QTGAL: variants seen among roughly 807,000 people sequenced by gnomAD.
QTGAL encodes the protein BGnT-like protein 1.
the QTGAL span, among the ~76,000 whole-genome samples, chr17:83,027,533 A>T: frequency 1.6e-4 from 25 of 151,980 alleles, no homozygotes; most frequent in South Asian, 4.2e-4. Flanking sequence ...TCTGCTCAAG[A>T]CACCATTAAA....
the QTGAL span, among the ~76,000 whole-genome samples, chr17:83,049,537 C>T: frequency 5.9e-5 from 9 of 151,470 alleles, no homozygotes; most frequent in East Asian, 1.2e-3. Flanking sequence ...CTCAGCCTCC[C>T]GAGTAGCTGG....
At chr17:82,962,741 C>T in the QTGAL span, among the ~76,000 whole-genome samples, 2 of 152,182 alleles carry the variant, frequency 1.3e-5, no homozygotes, top group Non-Finnish European at 2.9e-5. Context: ...CAACATGTTA[C>T]AGGTTTAAGA....
chr17:83,027,856 G>A, the QTGAL span, among the ~76,000 whole-genome samples: 4 of 152,184 alleles, frequency 2.6e-5, no homozygotes, highest in African/African-American at 9.7e-5. Flanking sequence ...GCTCACGCCT[G>A]TAATCCTAGC....
the QTGAL span, among the ~76,000 whole-genome samples, chr17:83,033,383 TGAAGGAC>T: frequency 6.6e-6 from 1 of 151,806 alleles, no homozygotes; most frequent in Non-Finnish European, 1.5e-5. Context: ...AGCTGAGGAG[TGAAGGAC>T]ACTCTTCAGG....
the QTGAL span, chr17:83,048,825 C>T: frequency 2.6e-6 from 4 of 1,553,314 alleles, no homozygotes; most frequent in Non-Finnish European, 2.7e-6. Flanking sequence ...AGTGTGAAAA[C>T]TTAGTTCCCT....
chr17:83,021,243 G>A, the QTGAL span, among the ~76,000 whole-genome samples: 49 of 152,146 alleles, frequency 3.2e-4, no homozygotes, highest in African/African-American at 1.0e-3. Flanking sequence ...CCAAGAACGC[G>A]GAATAAGTAA....
At chr17:83,038,290 A>G in the QTGAL span, among the ~76,000 whole-genome samples, 1 of 152,160 alleles carries the variant, frequency 6.6e-6, no homozygotes, top group African/African-American at 2.4e-5. Flanking sequence ...CCTTACCCAC[A>G]CTTCAGACAG....
At chr17:83,031,715 G>T in the QTGAL span, among the ~76,000 whole-genome samples, 1 of 152,216 alleles carries the variant, frequency 6.6e-6, no homozygotes, top group African/African-American at 2.4e-5. Context: ...GCAGGTGTGG[G>T]GTGGGTCCCA....
At chr17:82,954,950 C>T in the QTGAL span, among the ~76,000 whole-genome samples, 2 of 152,180 alleles carry the variant, frequency 1.3e-5, no homozygotes, top group African/African-American at 4.8e-5. Context: ...AGAAACTAGA[C>T]CCCTTCCTTA....
At chr17:82,964,682 G>A in the QTGAL span, among the ~76,000 whole-genome samples, 3 of 145,610 alleles carry the variant, frequency 2.1e-5, no homozygotes, top group African/African-American at 5.1e-5. Context: ...CGGGGGGGAC[G>A]GGGACACAGA....
chr17:83,002,795 G>A, the QTGAL span, among the ~76,000 whole-genome samples: 1 of 152,294 alleles, frequency 6.6e-6, no homozygotes, highest in East Asian at 1.9e-4. Context: ...GGGGGCACAC[G>A]GGACACGGAG....
At chr17:82,948,780 A>G in the QTGAL span, 5 of 152,252 alleles carry the variant, frequency 3.3e-5, no homozygotes, top group Non-Finnish European at 7.3e-5. Context: ...CCAAATAGAA[A>G]AATTGGCATC....
the QTGAL span, among the ~76,000 whole-genome samples, chr17:82,987,981 C>T: frequency 6.6e-6 from 1 of 152,082 alleles, no homozygotes; most frequent in Non-Finnish European, 1.5e-5. Flanking sequence ...TGAAGAGGTC[C>T]TTCACCTCCC....
chr17:83,005,595 T>G, the QTGAL span: 1 of 702,754 alleles, frequency 1.4e-6, no homozygotes, highest in Non-Finnish European at 2.6e-6. The surrounding 1 kb of genome is among the most constrained non-coding windows in gnomAD (Gnocchi z 5.6). Flanking sequence ...ACATGCAAAG[T>G]GGATGTGAGG....
chr17:82,997,729 G>A, the QTGAL span, among the ~76,000 whole-genome samples: 4 of 152,032 alleles, frequency 2.6e-5, no homozygotes, highest in East Asian at 1.9e-4. Flanking sequence ...CAACATAGAC[G>A]GCACTGGGGG....
At chr17:82,985,601 C>T in the QTGAL span, among the ~76,000 whole-genome samples, 1 of 152,188 alleles carries the variant, frequency 6.6e-6, no homozygotes, top group African/African-American at 2.4e-5. Flanking sequence ...CACGTGACTC[C>T]TGCTACCCAA....
chr17:82,948,234 C>T, the QTGAL span: 1 of 152,152 alleles, frequency 6.6e-6, no homozygotes, highest in East Asian at 1.9e-4. Flanking sequence ...ACCATGAGAA[C>T]ACACTCCCCA....
the QTGAL span, among the ~76,000 whole-genome samples, chr17:83,011,987 G>C: frequency 7.2e-6 from 1 of 139,548 alleles, no homozygotes; most frequent in Non-Finnish European, 1.5e-5. Flanking sequence ...CACACGCCAC[G>C]AACTCCTCGT....
the QTGAL span, among the ~76,000 whole-genome samples, chr17:82,987,994 G>C: frequency 6.6e-6 from 1 of 152,092 alleles, no homozygotes; most frequent in Non-Finnish European, 1.5e-5. Flanking sequence ...CACCTCCCTT[G>C]TTAGCTGTAT....
Sources: allele counts gnomAD v4.1 joint callset (sites outside exome capture counted in the v4.1 genomes callset), GRCh38; gene constraint gnomAD v4.1.1; non-coding constraint Gnocchi (gnomAD v3.1); transcripts MANE v1.5; gene names NCBI Gene and HGNC (gene_info 2026-07-23, HGNC 2026-07-21).